Variants in PEBP4 observed in about 807,000 individuals in gnomAD.
The protein encoded by PEBP4 is phosphatidylethanolamine-binding protein 4.
Under a neutral mutation model 23.9 loss-of-function variants are expected in PEBP4, and 22 were observed. That is an observed-to-expected ratio of 0.92 (90% CI 0.66 to 1.31). The LOEUF (loss-of-function observed/expected upper bound fraction) is 1.31, where lower values mean the gene tolerates loss of function less well. PEBP4 is among the 40% of genes most tolerant of loss of function. The pLI, the probability that PEBP4 is intolerant of heterozygous loss-of-function variation, is 0.00. For synonymous variants in PEBP4, 112 were observed against 99.3 expected, an observed-to-expected ratio of 1.13 and a Z score of -0.76; for missense variants, 324 against 281.7, an observed-to-expected ratio of 1.15 and a Z score of -1.07.
chr8:22,723,870 G>GT (rs1338983820), intron 6 of PEBP4, among the ~76,000 whole-genome samples: 2 of 152,188 alleles, frequency 1.3e-5, no homozygotes, highest in Non-Finnish European at 1.5e-5. Context: ...TGGGCTCCAT[G>GT]TTCCTCTCCT....
At chr8:22,803,310 A>G (rs1294660322) in intron 4 of PEBP4, among the ~76,000 whole-genome samples, 1 of 152,164 alleles carries the variant, frequency 6.6e-6, no homozygotes, top group African/African-American at 2.4e-5. Context: ...TCCCACAGCC[A>G]GGCCACCTGT....
At chr8:22,744,147 G>A (rs192899629) in intron 4 of PEBP4, among the ~76,000 whole-genome samples, 98 of 152,312 alleles carry the variant, frequency 6.4e-4, no homozygotes, top group African/African-American at 2.3e-3. Flanking sequence ...ATTGGTCAGG[G>A]GAACATAAAA....
chr8:22,715,874 G>C (rs933718803), intron 6 of PEBP4, among the ~76,000 whole-genome samples: 22 of 152,202 alleles, frequency 1.4e-4, no homozygotes, highest in Admixed American at 1.3e-3. Flanking sequence ...TGTGGGGAGA[G>C]CTGGAGAGCT....
intron 1 of PEBP4, among the ~76,000 whole-genome samples, chr8:22,933,740 CTTTG>C (rs1243459835): frequency 1.3e-5 from 2 of 152,154 alleles, no homozygotes; most frequent in African/African-American, 2.4e-5. Flanking sequence ...ATATCAAGAT[CTTTG>C]TTTGAGGTAA....
chr8:22,782,468 T>C (rs1805944531), intron 4 of PEBP4, among the ~76,000 whole-genome samples: 1 of 152,094 alleles, frequency 6.6e-6, no homozygotes, highest in Admixed American at 6.5e-5. Flanking sequence ...ACCCGACCCA[T>C]CCATTAGAGA....
intron 4 of PEBP4, among the ~76,000 whole-genome samples, chr8:22,780,771 C>T (rs546178441): frequency 1.3e-5 from 2 of 152,318 alleles, no homozygotes; most frequent in South Asian, 2.1e-4. Context: ...CTGAGGGCGT[C>T]TAAGGCTCAG....
At chr8:22,791,975 G>C (rs558226966) in intron 4 of PEBP4, among the ~76,000 whole-genome samples, 1 of 151,668 alleles carries the variant, frequency 6.6e-6, no homozygotes, top group Non-Finnish European at 1.5e-5. Flanking sequence ...TCCTGCCTCA[G>C]CCTCTAGAGT....
At chr8:22,805,435 T>G (rs1381074303) in intron 4 of PEBP4, among the ~76,000 whole-genome samples, 2 of 152,374 alleles carry the variant, frequency 1.3e-5, no homozygotes, top group African/African-American at 2.4e-5. Flanking sequence ...CAAGCGATTC[T>G]CCTGCCTCAG....
At chr8:22,774,883 G>C (rs947403584) in intron 4 of PEBP4, among the ~76,000 whole-genome samples, 1 of 152,048 alleles carries the variant, frequency 6.6e-6, no homozygotes, top group East Asian at 1.9e-4. Flanking sequence ...TGGTCTTCTC[G>C]GTCTGTTTCA....
chr8:22,895,877 T>C (rs1050022289), intron 3 of PEBP4: 1 of 152,246 alleles, frequency 6.6e-6, no homozygotes, highest in Non-Finnish European at 1.5e-5. Flanking sequence ...AGTTCTGCTT[T>C]TTTGGCCACA....
intron 3 of PEBP4, among the ~76,000 whole-genome samples, chr8:22,834,382 G>C (rs78333729): frequency 0.032 from 4,911 of 152,296 alleles, 237 homozygotes; most frequent in African/African-American, 0.095. Flanking sequence ...GGACGGGTTC[G>C]AATTTCAGGC....
chr8:22,755,431 G>A (rs1309719327), intron 4 of PEBP4, among the ~76,000 whole-genome samples: 1 of 148,494 alleles, frequency 6.7e-6, no homozygotes, highest in Non-Finnish European at 1.5e-5. Context: ...TGCTTTCCGG[G>A]TTCAAGCGTT....
intron 3 of PEBP4, among the ~76,000 whole-genome samples, chr8:22,876,153 C>T (rs1263830293): frequency 1.3e-5 from 2 of 152,156 alleles, no homozygotes; most frequent in African/African-American, 2.4e-5. Flanking sequence ...TCAAGTGATA[C>T]ACCAGCCTCA....
chr8:22,864,937 T>C (rs747251584), intron 3 of PEBP4, among the ~76,000 whole-genome samples: 27 of 152,110 alleles, frequency 1.8e-4, no homozygotes, highest in Admixed American at 1.0e-3. Context: ...ATGGCGGTGC[T>C]GGACCCCGAT....
At chr8:22,801,145 C>A (rs1274634914) in intron 4 of PEBP4, among the ~76,000 whole-genome samples, 1 of 152,116 alleles carries the variant, frequency 6.6e-6, no homozygotes. Context: ...AACGATTAAC[C>A]CTGTGGTTAA....
At chr8:22,838,472 C>A (rs1807252885) in intron 3 of PEBP4, among the ~76,000 whole-genome samples, 1 of 152,296 alleles carries the variant, frequency 6.6e-6, no homozygotes, top group South Asian at 2.1e-4. Flanking sequence ...TTGGGAGACT[C>A]GAAGCCTCTG....
chr8:22,899,043 A>G (rs1388977980), intron 3 of PEBP4, among the ~76,000 whole-genome samples: 1 of 152,224 alleles, frequency 6.6e-6, no homozygotes, highest in African/African-American at 2.4e-5. Flanking sequence ...ACGGTGGTTC[A>G]TTCACAGCCT....
Position 22,888,627 on chromosome 8 carries a change from C to G in PEBP4, c.258+31557G>C, listed in dbSNP as rs1382312839. 2.6e-5 allele frequency among the ~76,000 whole-genome samples: 4 copies of G among 152,202 alleles called. No individual in the cohort carries two copies. The East Asian group carries it at 7.7e-4, about 29-fold the overall frequency. The stretch of plus-strand genomic sequence containing the variant: ...TGGTACCGCATCCCCAGATTTCCAA[C>G]CAGAATCTCACACATCACTATGACA... On this transcript the variant is annotated intron_variant, in intron 3 of 6. Coordinates refer to ENST00000256404, the MANE Select transcript of PEBP4 (RefSeq NM_144962.3).
At chr8:22,911,333 G>T (rs991028221) in intron 3 of PEBP4, among the ~76,000 whole-genome samples, 2 of 151,998 alleles carry the variant, frequency 1.3e-5, no homozygotes, top group Non-Finnish European at 2.9e-5. Flanking sequence ...AACTGCCCCT[G>T]CCAGCCCAGC....
Sources: allele counts gnomAD v4.1 joint callset (sites outside exome capture counted in the v4.1 genomes callset), GRCh38; gene constraint gnomAD v4.1.1; transcripts MANE v1.5; gene names NCBI Gene and HGNC (gene_info 2026-07-23, HGNC 2026-07-21).